SNX14: variants seen among roughly 807,000 people sequenced by gnomAD.
SNX14 encodes sorting nexin 14.
In SNX14, 93 loss-of-function variants were observed where a neutral mutation model predicts 133.8. The ratio of observed to expected loss-of-function variants is 0.70; its 90% CI spans 0.59 to 0.83. SNX14 has a LOEUF of 0.83. SNX14 is among the 40% of genes least tolerant of loss of function. SNX14 has a pLI of 0.00. For missense variants in SNX14, 945 were observed against 1,094.9 expected, an observed-to-expected ratio of 0.86 and a Z score of 1.93; for synonymous variants, 368 against 365.6, an observed-to-expected ratio of 1.01 and a Z score of -0.07.
chr6:85,506,320 A>AT (rs61396032), intron 28 of SNX14, among the ~76,000 whole-genome samples: 3,754 of 145,570 alleles, frequency 0.026, 138 homozygotes, highest in African/African-American at 0.086. Flanking sequence ...TAACTTGAAA[A>AT]TTTTTTTTTT....
At chr6:85,561,819 TTTTTTG>T (rs1193440949) in intron 6 of SNX14, among the ~76,000 whole-genome samples, 1 of 149,580 alleles carries the variant, frequency 6.7e-6, no homozygotes, top group African/African-American at 2.5e-5. Flanking sequence ...TGCCTGTTTC[TTTTTTG>T]TTTTTTTTTT....
At position 85,553,491 on chromosome 6, in the gene SNX14, A is replaced by C. The variant is rs559238683; in HGVS notation, c.635-3612T>G. ...ATGAAACAATCCCTTTCAGCCTTAG[A>C]ATCTGTATCAGGCCAGGCGCCCGTG... is the stretch of plus-strand genomic sequence containing the variant. On this transcript the variant is annotated intron_variant, in intron 7 of 28. Coordinates refer to ENST00000314673, the MANE Select transcript of SNX14 (RefSeq NM_153816.6). 8.1e-4 allele frequency among the ~76,000 whole-genome samples: 123 copies of C among 152,212 alleles called. 3 individuals carry two copies. The South Asian group carries it at 0.015, about 18-fold the overall frequency.
rs182525689 is a variant in SNX14, at chr6:85,541,600, G to T, written c.1448+385C>A. On this transcript the variant is annotated intron_variant, in intron 15 of 28. Transcript: ENST00000314673. ...GATTTCCAGAGCCAAAAAAAAGAAA[G>T]AAATAAACATCCCTCCACTTTTGTA... Among the ~76,000 whole-genome samples the T allele has an allele frequency of 2.7e-3, 417 of 151,998 alleles. 1 individual carries two copies. Among genetic ancestry groups the T allele is most frequent in the African/African-American group, 9.6e-3 (398 of 41,478 alleles).
rs1446055030 is a variant in SNX14 at position 85,547,548 on chromosome 6, A to C, written c.870T>G (p.Asp290Glu). 2.5e-6 allele frequency: 4 copies of C among 1,596,256 alleles called. No homozygotes were observed. The African/African-American group carries it at 5.4e-5, about 22-fold the overall frequency. Reference protein sequence around the residue: ...LPSLDFLADPDTVNHLLIIFI... With the variant: ...LPSLDFLADPETVNHLLIIFI... ...AGATGATAAGCAAATGATTCACAGTATCCTAGTGGAAAATAATAAACATAA... is the reference window on the plus strand; with the variant it reads ...AGATGATAAGCAAATGATTCACAGTCTCCTAGTGGAAAATAATAAACATAA... The change falls in exon 10 of 29, where the codon GAT becomes GAG. Residue 290 changes from aspartate to glutamate, a missense_variant and splice_region_variant. By Grantham distance (45) the Asp-to-Glu change is conservative. Coordinates refer to ENST00000314673, the MANE Select transcript of SNX14 (RefSeq NM_153816.6).
intron 17 of SNX14, among the ~76,000 whole-genome samples, chr6:85,534,100 G>C (rs965766763): frequency 6.6e-6 from 1 of 152,138 alleles, no homozygotes; most frequent in East Asian, 1.9e-4. Flanking sequence ...TTGGGCCCAG[G>C]AGTTTGAGAC....
At chr6:85,520,114 A>G (rs1776377017) in intron 21 of SNX14, among the ~76,000 whole-genome samples, 1 of 151,400 alleles carries the variant, frequency 6.6e-6, no homozygotes, top group Admixed American at 6.6e-5. Context: ...CAGTGGCATG[A>G]TCTCGGCTCC....
intron 1 of SNX14, chr6:85,589,458 GCCATCCACCTTGGCCT>G (rs1802114251): frequency 6.5e-6 from 1 of 153,572 alleles, no homozygotes; most frequent in African/African-American, 2.4e-5. Flanking sequence ...GCTCAAGTGA[GCCATCCACCTTGGCCT>G]CCCAAAATGC....
At chr6:85,524,976 G>A (rs1310724556) in intron 21 of SNX14, among the ~76,000 whole-genome samples, 1 of 152,078 alleles carries the variant, frequency 6.6e-6, no homozygotes, top group African/African-American at 2.4e-5. Context: ...TGTAATGTAT[G>A]TACTATATTA....
chr6:85,588,840 TAAGG>T (rs1801890320), intron 1 of SNX14: 1 of 454,084 alleles, frequency 2.2e-6, no homozygotes, highest in Admixed American at 2.4e-5. Context: ...AAGAATATCA[TAAGG>T]AAGAGAAAAT....
intron 4 of SNX14, among the ~76,000 whole-genome samples, chr6:85,571,048 T>C (rs1172899161): frequency 6.6e-6 from 1 of 151,994 alleles, no homozygotes; most frequent in Non-Finnish European, 1.5e-5. Flanking sequence ...TCAGGGTATC[T>C]TGAAGATGAA....
At chr6:85,557,891 A>G in intron 7 of SNX14, 85 bp downstream of exon 7, 2 of 752,346 alleles carry the variant, frequency 2.7e-6, no homozygotes, top group South Asian at 3.1e-5. Flanking sequence ...TAAGTTAATT[A>G]ATCAGTACTC....
intron 4 of SNX14, among the ~76,000 whole-genome samples, chr6:85,570,662 G>T (rs1251870097): frequency 6.6e-6 from 1 of 151,918 alleles, no homozygotes; most frequent in African/African-American, 2.4e-5. Context: ...AGACCAGCCT[G>T]GCCAATATGG....
chr6:85,507,821 A>C, intron 27 of SNX14, 147 bp downstream of exon 27: 1 of 447,344 alleles, frequency 2.2e-6, no homozygotes, highest in Non-Finnish European at 3.8e-6. Context: ...TAACTCAAAT[A>C]AAACTTTTTT....
rs551323539 is a variant in SNX14, at chr6:85,583,007, G to A, written c.141-8629C>T. Reference sequence around the variant, plus strand: ...CAGGCCAATATCCCTGATGAACATCGATGCGAAAATCCTCAAAAAAATACT... The same window carrying A: ...CAGGCCAATATCCCTGATGAACATCAATGCGAAAATCCTCAAAAAAATACT... On this transcript the variant is annotated intron_variant, in intron 1 of 28. Coordinates refer to ENST00000314673, the MANE Select transcript of SNX14 (RefSeq NM_153816.6). Among the ~76,000 whole-genome samples, 28 of 152,188 alleles carry A rather than the reference G, an allele frequency of 1.8e-4. No homozygotes were observed. In the South Asian group the frequency reaches 3.7e-3, roughly 20 times the overall value.
At position 85,536,811 on chromosome 6, in the gene SNX14, G is replaced by C; in HGVS notation, c.1589C>G (p.Ala530Gly). The change falls in exon 17 of 29, where the codon GCT becomes GGT. Residue 530 changes from alanine to glycine, a missense_variant. Transcript: ENST00000314673. ...ACTTACAAAATCATCTTCACCTTCA[G>C]CTACACCATAATTAGGCAACATAGC... ...EGAMLPNYGV[A>G]EGEDDFIEEG... 6.2e-7 allele frequency: 1 copy of C among 1,611,844 alleles called. No individual in the cohort carries two copies. The highest frequency in any genetic ancestry group is 2.2e-5 in the East Asian group (1 of 44,722).
chr6:85,517,534 G>T, intron 23 of SNX14: 1 of 372,508 alleles, frequency 2.7e-6, no homozygotes, highest in Non-Finnish European at 4.5e-6. Context: ...AGTGGCATCA[G>T]TTTGCAAATA....
At chr6:85,593,003 G>A (rs902202784) in intron 1 of SNX14, among the ~76,000 whole-genome samples, 13 of 152,196 alleles carry the variant, frequency 8.5e-5, no homozygotes, top group African/African-American at 3.1e-4. Context: ...GACAGAGCGA[G>A]ACTCCGTCTC....
Position 85,536,896 on chromosome 6 carries a change from C to G in SNX14, c.1504G>C (p.Gly502Arg), listed in dbSNP as rs1358151617. ...ATTTTGCTACCTATTCTGCTGATTC[C>G]AAATGATTCTCCCCTTTTCTGTGTG... ...RNTQKRGESF[G>R]ISRIGSKIKG... The change falls in exon 17 of 29, where the codon GGA becomes CGA. Residue 502 changes from glycine to arginine, a missense_variant. Around this residue, in one of 3 missense-constraint regions of SNX14, gnomAD observed 412 missense variants for 516.6 expected, o/e 0.80. Coordinates refer to ENST00000314673, the MANE Select transcript of SNX14 (RefSeq NM_153816.6). 4 of 1,612,674 alleles carry G rather than the reference C, an allele frequency of 2.5e-6. No individual in the cohort carries two copies. The highest frequency in any genetic ancestry group is 3.4e-6 in the Non-Finnish European group (4 of 1,179,442).
intron 19 of SNX14, among the ~76,000 whole-genome samples, chr6:85,528,930 T>C (rs1198952877): frequency 6.6e-6 from 1 of 151,776 alleles, no homozygotes; most frequent in African/African-American, 2.4e-5. Context: ...TAAATGCCTG[T>C]AATCCCAGCT....
Sources: gnomAD v4.1 joint callset for allele counts (sites outside exome capture counted in the v4.1 genomes callset) on GRCh38, gnomAD v4.1.1 for gene constraint, gnomAD v4.1.1 regional missense constraint, MANE v1.5 for transcripts, NCBI Gene and HGNC (gene_info 2026-07-23, HGNC 2026-07-21) for gene names.